CDH11: variants seen among roughly 807,000 people sequenced by gnomAD.
CDH11 encodes cadherin-11.
CDH11 carries 11 observed loss-of-function variants against 67.8 expected under a neutral mutation model. That is an observed-to-expected ratio of 0.16 (90% CI 0.10 to 0.27). The LOEUF is 0.27. Ranked by LOEUF, CDH11 falls within the 10% of genes least tolerant of loss-of-function variation. The pLI is 1.00. For synonymous variants in CDH11, 419 were observed against 400.0 expected (o/e 1.05, Z -0.57); for missense variants, 847 against 1,031.2 (o/e 0.82, Z 2.45).
chr16:65,006,422 G>A (rs752873853), intron 2 of CDH11, among the ~76,000 whole-genome samples: 7 of 152,154 alleles, frequency 4.6e-5, no homozygotes, highest in Non-Finnish European at 1.0e-4. Flanking sequence ...TGGCATAGTG[G>A]AAGGTACATA....
chr16:65,003,622 G>A (rs1428000520), intron 3 of CDH11, among the ~76,000 whole-genome samples: 2 of 152,190 alleles, frequency 1.3e-5, no homozygotes, highest in African/African-American at 4.8e-5. Context: ...TTACTCAAAT[G>A]CTAGTGGGTA....
In CDH11 at chr16:65,115,180, C is replaced by A. The variant is rs145672382; in HGVS notation, c.-298+6700G>T. The stretch of plus-strand genomic sequence containing the variant: ...TTACCACAGCAACCCATACGCAGAA[C>A]GAACAGAGGGAAAAAATGCAAAGGT... On this transcript the variant is annotated intron_variant, in intron 1 of 12. Coordinates refer to ENST00000268603, the MANE Select transcript of CDH11 (RefSeq NM_001797.4). 4.6e-3 allele frequency among the ~76,000 whole-genome samples: 704 copies of A among 152,050 alleles called. 9 individuals are homozygous for A. The highest frequency in any genetic ancestry group is 0.016 in the African/African-American group (663 of 41,468).
intron 1 of CDH11, among the ~76,000 whole-genome samples, chr16:65,070,094 G>A (rs544038134): frequency 9.3e-4 from 141 of 152,282 alleles, no homozygotes; most frequent in African/African-American, 3.2e-3. Context: ...GCCACTGTAC[G>A]ATTGTGGCAA....
chr16:65,068,939 A>C lies in CDH11; in HGVS notation c.-297-15011T>G, dbSNP rs1300026520. Among the ~76,000 whole-genome samples the C allele has an allele frequency of 2.0e-5, 3 of 152,320 alleles. No individual in the cohort carries two copies. The East Asian group carries it at 5.8e-4, about 29-fold the overall frequency. On this transcript the variant is annotated intron_variant, in intron 1 of 12. Transcript: ENST00000268603. ...AATAATTCTAATATTGACTAATTTG[A>C]TGTTTCCCTATGCATGTTTTAAGTA...
chr16:64,983,948 G>A (rs536030021), intron 7 of CDH11, among the ~76,000 whole-genome samples: 2 of 152,276 alleles, frequency 1.3e-5, no homozygotes, highest in East Asian at 3.9e-4. Flanking sequence ...TTTGTACTTG[G>A]TTTAGGCATA....
chr16:65,115,355 G>A (rs1326855585), intron 1 of CDH11, among the ~76,000 whole-genome samples: 1 of 152,110 alleles, frequency 6.6e-6, no homozygotes, highest in Non-Finnish European at 1.5e-5. Flanking sequence ...ACAATTCATT[G>A]CTAATTGGGA....
At position 65,044,905 on chromosome 16, in the gene CDH11, A is replaced by G. The variant is rs537114244; in HGVS notation, c.-173+8899T>C. On this transcript the variant is annotated intron_variant, in intron 2 of 12. Transcript: ENST00000268603. The stretch of plus-strand genomic sequence containing the variant: ...ATTTAGAGAAATAATGCTGCGGCTC[A>G]GTGGAGAAGGACTGGGGAAGAGAGA... Among the ~76,000 whole-genome samples the G allele has an allele frequency of 1.8e-4, 27 of 152,164 alleles. No individual in the cohort carries two copies. The South Asian group carries it at 5.2e-3, about 29-fold the overall frequency.
chr16:65,082,956 C>G (rs554398127), intron 1 of CDH11, among the ~76,000 whole-genome samples: 79 of 152,216 alleles, frequency 5.2e-4, no homozygotes, highest in Non-Finnish European at 9.0e-4. Context: ...AGAAGGCACA[C>G]AAGGGTTTTA....
intron 2 of CDH11, among the ~76,000 whole-genome samples, chr16:65,046,009 A>T (rs1404710226): frequency 6.6e-6 from 1 of 152,174 alleles, no homozygotes; most frequent in African/African-American, 2.4e-5. Flanking sequence ...AAATCATAAG[A>T]CACTGCCTTA....
At chr16:64,992,747 C>G (rs1360542958) in intron 5 of CDH11, among the ~76,000 whole-genome samples, 168 bp downstream of exon 5, 1 of 152,262 alleles carries the variant, frequency 6.6e-6, no homozygotes, top group Non-Finnish European at 1.5e-5. Flanking sequence ...GGTGTACTAA[C>G]TGTGTGATAG....
intron 1 of CDH11, among the ~76,000 whole-genome samples, chr16:65,056,067 C>A (rs185706015): frequency 1.4e-4 from 21 of 152,358 alleles, no homozygotes; most frequent in African/African-American, 5.0e-4. Flanking sequence ...AAATTAAGAT[C>A]TGTGGTTTAA....
intron 12 of CDH11, 124 bp downstream of exon 12, chr16:64,950,643 C>T (rs1029742230): frequency 6.5e-5 from 34 of 524,352 alleles, no homozygotes; most frequent in South Asian, 2.5e-4. Context: ...CACTTCTTTT[C>T]TTGAACTGTG....
intron 1 of CDH11, among the ~76,000 whole-genome samples, chr16:65,072,521 A>T (rs1214413370): frequency 2.0e-5 from 3 of 151,890 alleles, no homozygotes; most frequent in Non-Finnish European, 2.9e-5. Context: ...TTTTTTTTTT[A>T]AATTGGCAGC....
Position 65,039,855 on chromosome 16 carries a change from G to A in CDH11, c.-173+13949C>T, listed in dbSNP as rs1249829348. On this transcript the variant is annotated intron_variant, in intron 2 of 12. Transcript: ENST00000268603. ...CCAGAATCTACAATGAACTCAGACA[G>A]ATTTACAAGAAAAAACAAACAACCC... Among the ~76,000 whole-genome samples, 8 of 152,008 alleles carry A rather than the reference G, an allele frequency of 5.3e-5. No homozygotes were observed. The East Asian group carries it at 5.8e-4, about 11-fold the overall frequency.
chr16:65,111,919 A>T (rs1359382802), intron 1 of CDH11, among the ~76,000 whole-genome samples: 5 of 151,674 alleles, frequency 3.3e-5, no homozygotes, highest in Non-Finnish European at 7.4e-5. Context: ...AAAATACAAA[A>T]ATTAGCCGGG....
intron 11 of CDH11, among the ~76,000 whole-genome samples, chr16:64,955,737 C>A (rs1322904121): frequency 6.6e-6 from 1 of 151,900 alleles, no homozygotes; most frequent in Non-Finnish European, 1.5e-5. Flanking sequence ...AGAATGAGAC[C>A]CTGTCTCTAA....
intron 11 of CDH11, among the ~76,000 whole-genome samples, chr16:64,967,343 G>A (rs903847222): frequency 4.6e-5 from 7 of 151,934 alleles, no homozygotes; most frequent in African/African-American, 1.7e-4. Flanking sequence ...TCAGCCTCCC[G>A]AGTAGCTGGG....
At chr16:65,117,116 C>A (rs1284634888) in intron 1 of CDH11, among the ~76,000 whole-genome samples, 1 of 152,198 alleles carries the variant, frequency 6.6e-6, no homozygotes, top group East Asian at 1.9e-4. Flanking sequence ...GGTAAGTGAA[C>A]GTCAGTTTAC....
chr16:65,065,127 G>A (rs564002631), intron 1 of CDH11, among the ~76,000 whole-genome samples: 1 of 152,306 alleles, frequency 6.6e-6, no homozygotes, highest in Non-Finnish European at 1.5e-5. Flanking sequence ...ATTACAGGGA[G>A]AGACAAATGC....
Sources: allele counts gnomAD v4.1 joint callset (sites outside exome capture counted in the v4.1 genomes callset), GRCh38; gene constraint gnomAD v4.1.1; transcripts MANE v1.5; gene names NCBI Gene and HGNC (gene_info 2026-07-23, HGNC 2026-07-21).